Variants in VTI1A observed in about 807,000 individuals in gnomAD.
VTI1A encodes the protein vesicle transport through interaction with t-SNAREs 1A.
VTI1A carries 22 observed loss-of-function variants against 34.9 expected under a neutral mutation model. The observed-to-expected ratio is 0.63, with a 90% CI of 0.45 to 0.90. VTI1A has a LOEUF of 0.90. Ranked by LOEUF, VTI1A falls within the 40% of genes least tolerant of loss-of-function variation. The pLI, the probability that VTI1A is intolerant of heterozygous loss-of-function variation, is 0.00. For synonymous variants in VTI1A, 87 were observed against 97.3 expected (o/e 0.89, Z 0.62); for missense variants, 268 against 275.6 (o/e 0.97, Z 0.20).
intron 5 of VTI1A, among the ~76,000 whole-genome samples, chr10:112,545,504 T>C (rs1851044609): frequency 3.9e-5 from 6 of 152,254 alleles, no homozygotes; most frequent in Admixed American, 3.9e-4. Flanking sequence ...TTCTGTCTAA[T>C]CATTTTCAGG....
chr10:112,447,002 CCTTGTAG>C (rs1473602592), upstream of VTI1A: 47 of 283,804 alleles, frequency 1.7e-4, no homozygotes, highest in Non-Finnish European at 2.9e-4. Flanking sequence ...AGCTGCTGTG[CCTTGTAG>C]CGTGTGGATC....
At chr10:112,675,717 C>T (rs1415759089) in intron 7 of VTI1A, among the ~76,000 whole-genome samples, 4 of 152,206 alleles carry the variant, frequency 2.6e-5, no homozygotes, top group Non-Finnish European at 5.9e-5. Flanking sequence ...ACTTTGTCAT[C>T]TGAGTCTTAT....
chr10:112,805,584 T>C (rs1853046284), intron 7 of VTI1A, among the ~76,000 whole-genome samples: 1 of 152,232 alleles, frequency 6.6e-6, no homozygotes, highest in Admixed American at 6.5e-5. Flanking sequence ...ATAATGTCTT[T>C]GCAAATGCAA....
At chr10:112,555,977 G>GA (rs1373115994) in intron 5 of VTI1A, among the ~76,000 whole-genome samples, 2 of 151,988 alleles carry the variant, frequency 1.3e-5, no homozygotes, top group African/African-American at 4.8e-5. Context: ...TAATGTTTGA[G>GA]AAACAATTTT....
intron 7 of VTI1A, among the ~76,000 whole-genome samples, chr10:112,766,801 G>A (rs1239251107): frequency 6.6e-6 from 1 of 152,160 alleles, no homozygotes; most frequent in Admixed American, 6.5e-5. Flanking sequence ...ACATAGCATA[G>A]GTATTCTAAG....
At chr10:112,749,180 G>T (rs911994370) in intron 7 of VTI1A, among the ~76,000 whole-genome samples, 1 of 152,098 alleles carries the variant, frequency 6.6e-6, no homozygotes, top group African/African-American at 2.4e-5. Context: ...TAATTCTAGG[G>T]TAGTTGCGAA....
At chr10:112,848,431 C>A in the VTI1A span, among the ~76,000 whole-genome samples, 3 of 152,192 alleles carry the variant, frequency 2.0e-5, no homozygotes, top group Non-Finnish European at 4.4e-5. Flanking sequence ...TACAGATGAC[C>A]TGATGACACA....
chr10:112,819,530 G>C (rs1043690944), downstream of VTI1A, among the ~76,000 whole-genome samples: 1 of 152,202 alleles, frequency 6.6e-6, no homozygotes, highest in Non-Finnish European at 1.5e-5. Context: ...CTGGTTTGGG[G>C]AGGGTCTGAT....
At chr10:112,840,367 A>G in the VTI1A span, among the ~76,000 whole-genome samples, 1 of 151,990 alleles carries the variant, frequency 6.6e-6, no homozygotes, top group Non-Finnish European at 1.5e-5. Context: ...CCCCAACCCA[A>G]CAGCCTCCAC....
chr10:112,717,523 C>T (rs1442581942), intron 7 of VTI1A, among the ~76,000 whole-genome samples: 1 of 152,114 alleles, frequency 6.6e-6, no homozygotes, highest in East Asian at 1.9e-4. Flanking sequence ...ACTGGCTGGG[C>T]ACCTTTCTCT....
chr10:112,549,880 G>C (rs980550059), intron 5 of VTI1A, among the ~76,000 whole-genome samples: 4 of 152,138 alleles, frequency 2.6e-5, no homozygotes, highest in Non-Finnish European at 4.4e-5. Flanking sequence ...TTTCTGAAAA[G>C]AATTGAGGAG....
At chr10:112,671,888 TCTG>T (rs913490816) in intron 7 of VTI1A, 1 of 152,226 alleles carries the variant, frequency 6.6e-6, no homozygotes, top group Non-Finnish European at 1.5e-5. Context: ...TCTTCTTTCT[TCTG>T]CTTATTCATT....
chr10:112,815,281 G>C lies in VTI1A; in HGVS notation c.561-9G>C. The C allele has an allele frequency of 6.2e-7, 1 of 1,608,952 alleles. No homozygotes were observed. Among genetic ancestry groups the C allele is most frequent in the Non-Finnish European group, 8.5e-7 (1 of 1,178,294 alleles). On this transcript the variant is annotated splice_polypyrimidine_tract_variant and intron_variant, in intron 7 of 7. Transcript: ENST00000393077. ...CTGTGTGTGTTTTTTCTCCTTTGCTGTCTCCTAGAATCATCCAGAACCGCA... is the reference window on the plus strand; with the variant it reads ...CTGTGTGTGTTTTTTCTCCTTTGCTCTCTCCTAGAATCATCCAGAACCGCA...
intron 5 of VTI1A, among the ~76,000 whole-genome samples, chr10:112,568,345 A>G (rs1193083393): frequency 6.6e-6 from 1 of 152,060 alleles, no homozygotes; most frequent in Non-Finnish European, 1.5e-5. Context: ...CGTCTCTACT[A>G]AAAATACAAA....
At chr10:112,814,437 C>T (rs1417811253) in intron 7 of VTI1A, among the ~76,000 whole-genome samples, 1 of 152,170 alleles carries the variant, frequency 6.6e-6, no homozygotes, top group African/African-American at 2.4e-5. Flanking sequence ...AAACTCTCAA[C>T]AAAGCATTCT....
intron 7 of VTI1A, among the ~76,000 whole-genome samples, chr10:112,733,226 CT>C (rs775089267): frequency 2.0e-5 from 3 of 151,716 alleles, no homozygotes; most frequent in Non-Finnish European, 4.4e-5. Context: ...TTATTTTTTG[CT>C]TTGCTTTTAT....
intron 7 of VTI1A, among the ~76,000 whole-genome samples, chr10:112,784,213 G>A (rs1194329617): frequency 2.0e-5 from 3 of 152,106 alleles, no homozygotes; most frequent in South Asian, 2.1e-4. Context: ...CCGTGTGTAC[G>A]TGTCAGAGAC....
chr10:112,799,126 A>G (rs1419761688), intron 7 of VTI1A, among the ~76,000 whole-genome samples: 1 of 151,980 alleles, frequency 6.6e-6, no homozygotes, highest in Non-Finnish European at 1.5e-5. Context: ...GACCCTAGTT[A>G]TTGATGCTGC....
intron 3 of VTI1A, among the ~76,000 whole-genome samples, chr10:112,526,322 G>A (rs1419929071): frequency 6.6e-6 from 1 of 152,132 alleles, no homozygotes; most frequent in Non-Finnish European, 1.5e-5. Context: ...TTGACTCATA[G>A]CCCACTTGTC....
Sources: gnomAD v4.1 joint callset for allele counts (sites outside exome capture counted in the v4.1 genomes callset) on GRCh38, gnomAD v4.1.1 for gene constraint, MANE v1.5 for transcripts, NCBI Gene and HGNC (gene_info 2026-07-23, HGNC 2026-07-21) for gene names.